HFM1: variants seen among roughly 807,000 people sequenced by gnomAD.
HFM1 encodes the protein helicase for meiosis 1.
In HFM1, 169 loss-of-function variants were observed where a neutral mutation model predicts 192.1. The observed-to-expected ratio is 0.88, with a 90% CI of 0.78 to 1.00. The LOEUF is 1.00. HFM1 is among the 50% of genes least tolerant of loss of function. The pLI, the probability that HFM1 is intolerant of heterozygous loss-of-function variation, is 0.00. For synonymous variants in HFM1, 525 were observed against 537.8 expected, an observed-to-expected ratio of 0.98 and a Z score of 0.33; for missense variants, 1,661 against 1,668.0, an observed-to-expected ratio of 1.00 and a Z score of 0.07.
At chr1:91,383,622 G>C (rs1661817311) in intron 6 of HFM1, among the ~76,000 whole-genome samples, 1 of 152,156 alleles carries the variant, frequency 6.6e-6, no homozygotes, top group Non-Finnish European at 1.5e-5. Flanking sequence ...TTGTTGCCTA[G>C]ATTTCTCTAG....
At chr1:91,332,537 G>T (rs1653984860) in intron 20 of HFM1, among the ~76,000 whole-genome samples, 1 of 152,074 alleles carries the variant, frequency 6.6e-6, no homozygotes, top group African/African-American at 2.4e-5. Flanking sequence ...CCAGGTCATT[G>T]GTCTGGGCAA....
chr1:91,380,481 C>T (rs1364431544), intron 7 of HFM1, among the ~76,000 whole-genome samples: 3 of 152,092 alleles, frequency 2.0e-5, no homozygotes, highest in East Asian at 1.9e-4. Context: ...TGGCTGAGTG[C>T]GATGGCTTAC....
chr1:91,337,689 TC>T (rs1361078157), intron 20 of HFM1, among the ~76,000 whole-genome samples: 3 of 152,024 alleles, frequency 2.0e-5, no homozygotes, highest in South Asian at 2.1e-4. Flanking sequence ...TACTGGGAGA[TC>T]CATAGGGAGA....
intron 4 of HFM1, among the ~76,000 whole-genome samples, chr1:91,386,200 G>T (rs2102057471): frequency 6.6e-6 from 1 of 152,280 alleles, no homozygotes; most frequent in South Asian, 2.1e-4. Context: ...GGTAATAAAA[G>T]ACATTGCCCC....
At chr1:91,343,247 A>AAG (rs1445247265) in intron 20 of HFM1, among the ~76,000 whole-genome samples, 183 bp downstream of exon 20, 2 of 150,912 alleles carry the variant, frequency 1.3e-5, no homozygotes, top group Non-Finnish European at 3.0e-5. Flanking sequence ...AAAAAAAAAA[A>AAG]AAAAAACTAT....
chr1:91,406,266 A>G (rs1664807860), upstream of HFM1, among the ~76,000 whole-genome samples: 1 of 152,236 alleles, frequency 6.6e-6, no homozygotes, highest in Non-Finnish European at 1.5e-5. Context: ...TAAGCCACCC[A>G]GCCTATGGTA....
At chr1:91,365,397 T>G (rs751202315) in intron 13 of HFM1, among the ~76,000 whole-genome samples, 1 of 152,068 alleles carries the variant, frequency 6.6e-6, no homozygotes, top group Non-Finnish European at 1.5e-5. Context: ...AGATGAGAGA[T>G]ATATTAATTT....
intron 30 of HFM1, among the ~76,000 whole-genome samples, chr1:91,304,632 A>C (rs1649339831): frequency 2.0e-5 from 1 of 49,242 alleles, no homozygotes; most frequent in South Asian, 1.1e-3. Context: ...ACAGCCGGCT[A>C]ATTTTTTTTT....
intron 34 of HFM1, among the ~76,000 whole-genome samples, chr1:91,272,707 T>C (rs556009646): frequency 6.6e-6 from 1 of 152,082 alleles, no homozygotes; most frequent in Non-Finnish European, 1.5e-5. Context: ...GTTGGATAAA[T>C]GCTCTGGTTC....
intron 13 of HFM1, among the ~76,000 whole-genome samples, chr1:91,372,841 C>T (rs564161633): frequency 6.6e-6 from 1 of 152,212 alleles, no homozygotes; most frequent in Admixed American, 6.5e-5. Context: ...TCACTTTCTC[C>T]CTTTCTTTCT....
chr1:91,383,706 T>C (rs1023492296), intron 6 of HFM1, among the ~76,000 whole-genome samples: 11 of 149,946 alleles, frequency 7.3e-5, no homozygotes, highest in Non-Finnish European at 1.0e-4. Context: ...TGCTAGAGCA[T>C]TGCCAAGCAT....
chr1:91,269,557 T>C (rs1666079155), intron 34 of HFM1, among the ~76,000 whole-genome samples: 1 of 152,144 alleles, frequency 6.6e-6, no homozygotes, highest in Admixed American at 6.6e-5. Flanking sequence ...TTCACATTAC[T>C]CTACTTTTGT....
chr1:91,395,802 G>A (rs1663591268), intron 3 of HFM1, among the ~76,000 whole-genome samples: 2 of 151,702 alleles, frequency 1.3e-5, no homozygotes, highest in Admixed American at 1.3e-4. Flanking sequence ...TGAACTGTAT[G>A]GGTTTGGCTT....
intron 20 of HFM1, chr1:91,329,232 C>T: frequency 1.2e-6 from 2 of 1,609,776 alleles, no homozygotes; most frequent in Non-Finnish European, 1.7e-6. Flanking sequence ...CTTCTTGGAA[C>T]CTGAGGTGCT....
In HFM1 at chr1:91,380,189, A is replaced by G; in HGVS notation, c.921T>C (p.Ser307=). ...RNFVICAPTG[S]GKTVVFELAI... Reference sequence around the variant, plus strand: ...CTAGTTCAAACACTACAGTTTTTCCAGAACCAGTTGGAGCACAAATCACAA... The same window carrying G: ...CTAGTTCAAACACTACAGTTTTTCCGGAACCAGTTGGAGCACAAATCACAA... Residue 307 remains serine, a synonymous_variant, in exon 8 of 39, where the codon TCT becomes TCC. Coordinates refer to ENST00000370425, the MANE Select transcript of HFM1 (RefSeq NM_001017975.6). 1 of 1,578,420 alleles carries G rather than the reference A, an allele frequency of 6.3e-7. No individual in the cohort carries two copies. The highest frequency in any genetic ancestry group is 8.6e-7 in the Non-Finnish European group (1 of 1,156,112).
At chr1:91,392,075 A>G (rs1225670545) in intron 4 of HFM1, among the ~76,000 whole-genome samples, 3 of 152,198 alleles carry the variant, frequency 2.0e-5, no homozygotes, top group Non-Finnish European at 2.9e-5. Flanking sequence ...TAGAATGGTG[A>G]TCATTAAAAA....
upstream of HFM1, among the ~76,000 whole-genome samples, chr1:91,406,353 G>A (rs1386463847): frequency 6.6e-6 from 1 of 152,218 alleles, no homozygotes; most frequent in Non-Finnish European, 1.5e-5. Context: ...AGGTACAGGG[G>A]AGTCTTACTG....
At chr1:91,265,627 G>A (rs1045895698) in intron 36 of HFM1, among the ~76,000 whole-genome samples, 15 of 152,302 alleles carry the variant, frequency 9.8e-5, no homozygotes, top group Non-Finnish European at 1.9e-4. Flanking sequence ...TGATCTTTGA[G>A]CACGGGATAC....
chr1:91,385,123 CAAAT>C, intron 6 of HFM1, 60 bp downstream of exon 6: 2 of 959,504 alleles, frequency 2.1e-6, no homozygotes, highest in Non-Finnish European at 3.2e-6. Flanking sequence ...CACAATTAAA[CAAAT>C]GTTTTAAAAT....
Sources: allele counts gnomAD v4.1 joint callset (sites outside exome capture counted in the v4.1 genomes callset), GRCh38; gene constraint gnomAD v4.1.1; transcripts MANE v1.5; gene names NCBI Gene and HGNC (gene_info 2026-07-23, HGNC 2026-07-21).